ZNF804B: variants seen among roughly 807,000 people sequenced by gnomAD.
ZNF804B encodes the protein zinc finger 804B.
A neutral mutation model predicts 101.4 loss-of-function variants in ZNF804B; 80 were observed. The observed-to-expected ratio is 0.79, with a 90% confidence interval of 0.66 to 0.95. The LOEUF is 0.95. Ranked by LOEUF, ZNF804B falls within the 40% of genes least tolerant of loss-of-function variation. ZNF804B has a pLI of 0.00. For missense variants in ZNF804B, 1,673 were observed against 1,561.9 expected, an observed-to-expected ratio of 1.07 and a Z score of -1.20; for synonymous variants, 622 against 558.8, an observed-to-expected ratio of 1.11 and a Z score of -1.59.
chr7:89,282,015 A>C (rs1363225931), intron 2 of ZNF804B, among the ~76,000 whole-genome samples: 1 of 151,612 alleles, frequency 6.6e-6, no homozygotes, highest in Non-Finnish European at 1.5e-5. Flanking sequence ...TCCCGGCTAA[A>C]ACGGTGAAAC....
intron 1 of ZNF804B, among the ~76,000 whole-genome samples, chr7:88,858,011 C>T (rs1252684815): frequency 6.6e-6 from 1 of 151,566 alleles, no homozygotes; most frequent in Non-Finnish European, 1.5e-5. Context: ...TTAGTAGAGA[C>T]AGGGTTTTGC....
chr7:89,079,810 G>T (rs1388409794), intron 1 of ZNF804B, among the ~76,000 whole-genome samples: 2 of 151,918 alleles, frequency 1.3e-5, no homozygotes, highest in Admixed American at 6.6e-5. Flanking sequence ...CCAAATAAAG[G>T]AAATAGATGT....
chr7:89,218,074 A>T (rs1191451227), intron 1 of ZNF804B, 81 bp from the exon 2 acceptor site: 3 of 1,389,552 alleles, frequency 2.2e-6, no homozygotes, highest in Non-Finnish European at 3.0e-6. Flanking sequence ...TCTTTAAGTT[A>T]AATACCACCT....
chr7:89,265,277 T>C (rs1417481299), intron 2 of ZNF804B, among the ~76,000 whole-genome samples: 1 of 88,234 alleles, frequency 1.1e-5, no homozygotes, highest in Non-Finnish European at 2.3e-5. Context: ...TGTGTGTGTG[T>C]GTGTGTGTGT....
chr7:89,087,104 C>T (rs770427132), intron 1 of ZNF804B, among the ~76,000 whole-genome samples: 5 of 150,000 alleles, frequency 3.3e-5, no homozygotes, highest in Non-Finnish European at 4.4e-5. Flanking sequence ...GGACTCAGTG[C>T]ACTCATTGGT....
chr7:88,891,198 TC>T (rs1462739144), intron 1 of ZNF804B, among the ~76,000 whole-genome samples: 4 of 152,238 alleles, frequency 2.6e-5, no homozygotes, highest in East Asian at 3.9e-4. Context: ...TTGATAATGA[TC>T]GTTAATTCTA....
intron 1 of ZNF804B, among the ~76,000 whole-genome samples, chr7:89,056,146 G>A (rs939476839): frequency 6.6e-6 from 1 of 152,016 alleles, no homozygotes; most frequent in African/African-American, 2.4e-5. Flanking sequence ...GCCAGTCTTT[G>A]GGATATTGCT....
Position 89,334,295 on chromosome 7 carries a change from C to T in ZNF804B, c.1313C>T (p.Ser438Phe), listed in dbSNP as rs758189197. 6.2e-7 allele frequency: 1 copy of T among 1,613,838 alleles called. No individual in the cohort carries two copies. Among genetic ancestry groups the T allele is most frequent in the Non-Finnish European group, 8.5e-7 (1 of 1,179,832 alleles). The change falls in exon 4 of 4, where the codon TCT (serine) becomes TTT (phenylalanine). Residue 438 changes from serine to phenylalanine, a missense_variant. By Grantham distance (155) the Ser-to-Phe change is radical (BLOSUM62 -2). Coordinates refer to ENST00000333190, the MANE Select transcript of ZNF804B (RefSeq NM_181646.5). ...GAAGCATGTACCCATAATGTGGCAT[C>T]TAAACCACTACCTTTTCTCCACGTT... ...VKEACTHNVA[S>F]KPLPFLHVQS... is the part of the protein sequence containing the mutation.
At chr7:89,197,760 G>A (rs1267271247) in intron 1 of ZNF804B, among the ~76,000 whole-genome samples, 1 of 151,764 alleles carries the variant, frequency 6.6e-6, no homozygotes, top group Non-Finnish European at 1.5e-5. Flanking sequence ...TATATGCACA[G>A]GTTAGTGGAT....
At chr7:89,034,841 G>C (rs1026461004) in intron 1 of ZNF804B, among the ~76,000 whole-genome samples, 9 of 152,242 alleles carry the variant, frequency 5.9e-5, no homozygotes, top group African/African-American at 2.2e-4. Flanking sequence ...CTTCCACAAT[G>C]TTTGAACTGA....
chr7:89,202,979 G>A lies in ZNF804B; in HGVS notation c.109-15176G>A, dbSNP rs572090408. ...TCTAGACGTATTGTAGCTACAATAC[G>A]TCTCTTTTTAGACTAGTTCTCTACA... is the stretch of plus-strand genomic sequence containing the variant. On this transcript the variant is annotated intron_variant, in intron 1 of 3. Transcript: ENST00000333190. Among the ~76,000 whole-genome samples the A allele has an allele frequency of 4.4e-3, 667 of 152,012 alleles. 8 individuals are homozygous for A. The highest frequency in any genetic ancestry group is 0.034 in the South Asian group (165 of 4,800).
At chr7:88,906,596 G>A (rs573936454) in intron 1 of ZNF804B, among the ~76,000 whole-genome samples, 22 of 152,090 alleles carry the variant, frequency 1.4e-4, no homozygotes, top group African/African-American at 5.1e-4. Context: ...TGGTCTGAGG[G>A]TAGGCTTGGT....
chr7:89,215,914 A>AATAAATAAATAC lies in ZNF804B; in HGVS notation c.109-2230_109-2229insCATAAATAAATA, dbSNP rs1229607935. 3.9e-3 allele frequency among the ~76,000 whole-genome samples: 585 copies of AATAAATAAATAC among 150,566 alleles called. 3 individuals are homozygous for AATAAATAAATAC. The highest frequency in any genetic ancestry group is 0.013 in the African/African-American group (543 of 41,106). On this transcript the variant is annotated intron_variant, in intron 1 of 3. Transcript: ENST00000333190. ...AAATAAATAAATAAATAAATAAATA[A>AATAAATAAATAC]ATAAATAAATAAATAAGAACTATGA... is the stretch of plus-strand genomic sequence containing the variant.
chr7:89,036,445 G>A (rs564763949), intron 1 of ZNF804B, among the ~76,000 whole-genome samples: 1 of 151,856 alleles, frequency 6.6e-6, no homozygotes, highest in Non-Finnish European at 1.5e-5. Context: ...TTTATGTGAG[G>A]GGATTCCTTC....
intron 1 of ZNF804B, among the ~76,000 whole-genome samples, chr7:88,813,854 C>G (rs1025557317): frequency 6.6e-6 from 1 of 152,162 alleles, no homozygotes; most frequent in Non-Finnish European, 1.5e-5. Context: ...CTTAACTACT[C>G]TAAGACCCTT....
chr7:88,844,798 C>G (rs1015740554), intron 1 of ZNF804B, among the ~76,000 whole-genome samples: 2 of 152,098 alleles, frequency 1.3e-5, no homozygotes, highest in Non-Finnish European at 2.9e-5. Context: ...ATACCAGTAC[C>G]ATATTCTTAT....
intron 1 of ZNF804B, among the ~76,000 whole-genome samples, chr7:88,793,299 G>T (rs1790408908): frequency 6.6e-6 from 1 of 152,038 alleles, no homozygotes; most frequent in Non-Finnish European, 1.5e-5. Flanking sequence ...TCTAGAAAGT[G>T]AATTGAGAAA....
rs1791076892 is a variant in ZNF804B, at chr7:89,335,930, T to C, written c.2948T>C (p.Ile983Thr). Residue 983 changes from isoleucine (I) to threonine (T), a missense_variant, in exon 4 of 4, where the codon ATA (isoleucine) becomes ACA (threonine). By Grantham distance (89) the Ile-to-Thr change is moderately conservative (BLOSUM62 -1). Coordinates refer to ENST00000333190, the MANE Select transcript of ZNF804B (RefSeq NM_181646.5). ...NRQALPLSEK[I>T]QYASESRNDQ... is the part of the protein sequence containing the mutation. ...CAAGCATTGCCTTTGTCTGAAAAAATACAGTATGCAAGTGAGAGCAGAAAT... is the reference window on the plus strand; with the variant it reads ...CAAGCATTGCCTTTGTCTGAAAAAACACAGTATGCAAGTGAGAGCAGAAAT... 6.2e-7 allele frequency: 1 copy of C among 1,613,930 alleles called. No individual in the cohort carries two copies. The highest frequency in any genetic ancestry group is 1.3e-5 in the African/African-American group (1 of 74,986).
chr7:88,763,581 A>G (rs1272587374), intron 1 of ZNF804B, among the ~76,000 whole-genome samples: 1 of 151,792 alleles, frequency 6.6e-6, no homozygotes, highest in Non-Finnish European at 1.5e-5. Context: ...AAGAAAAATG[A>G]GAGAGGATTT....
Sources: allele counts gnomAD v4.1 joint callset (sites outside exome capture counted in the v4.1 genomes callset), GRCh38; gene constraint gnomAD v4.1.1; transcripts MANE v1.5; gene names NCBI Gene and HGNC (gene_info 2026-07-23, HGNC 2026-07-21).